The following ANKRD6 variants were observed in gnomAD, a reference collection of about 807,000 sequenced individuals.
ANKRD6 encodes the protein ankyrin repeat domain-containing protein 6.
Under a neutral mutation model 82.3 loss-of-function variants are expected in ANKRD6, and 56 were observed. The ratio of observed to expected loss-of-function variants is 0.68; its 90% CI spans 0.55 to 0.85. ANKRD6 has a LOEUF of 0.85. Ranked by LOEUF, ANKRD6 falls within the 40% of genes least tolerant of loss-of-function variation. The probability of loss-of-function intolerance (pLI) is 0.00; values close to 1 mark genes in which losing one functional copy is unlikely to be tolerated. For missense variants in ANKRD6, 852 were observed against 907.6 expected, an observed-to-expected ratio of 0.94 and a Z score of 0.79; for synonymous variants, 347 against 352.1, an observed-to-expected ratio of 0.99 and a Z score of 0.16.
intron 2 of ANKRD6, among the ~76,000 whole-genome samples, chr6:89,591,294 G>A (rs1408443218): frequency 6.6e-6 from 1 of 152,082 alleles, no homozygotes; most frequent in African/African-American, 2.4e-5. Context: ...TGGTAGAGAT[G>A]ACATTTTGCC....
At chr6:89,628,565 C>T (rs1272291735) in intron 14 of ANKRD6, among the ~76,000 whole-genome samples, 1 of 152,110 alleles carries the variant, frequency 6.6e-6, no homozygotes, top group Non-Finnish European at 1.5e-5. Context: ...GTCAGGAGAT[C>T]GAGACCATCC....
chr6:89,482,774 C>G (rs1322116557), intron 1 of ANKRD6, among the ~76,000 whole-genome samples: 1 of 152,176 alleles, frequency 6.6e-6, no homozygotes, highest in African/African-American at 2.4e-5. Context: ...GGTCATACCC[C>G]TACTCCCACC....
At chr6:89,434,649 TA>T (rs1770397862) in intron 1 of ANKRD6, among the ~76,000 whole-genome samples, 1 of 152,174 alleles carries the variant, frequency 6.6e-6, no homozygotes, top group African/African-American at 2.4e-5. Context: ...CTGTGTTGCC[TA>T]AGCTGGTCTC....
chr6:89,585,214 A>T (rs1298338033), intron 2 of ANKRD6, among the ~76,000 whole-genome samples: 1 of 152,232 alleles, frequency 6.6e-6, no homozygotes, highest in Non-Finnish European at 1.5e-5. Flanking sequence ...AACTTTCTCA[A>T]CATGATAAAA....
chr6:89,631,693 TTTG>T lies in ANKRD6; in HGVS notation c.*692_*694del, dbSNP rs1204450983. 1 of 152,018 alleles carries T rather than the reference TTTG, an allele frequency of 6.6e-6. No individual in the cohort carries two copies. The highest frequency in any genetic ancestry group is 2.4e-5 in the African/African-American group (1 of 41,312). The allele number at this position is 152,018 out of a possible 1,614,324, so 9.4% of individuals were successfully genotyped here. A position where few individuals can be genotyped will look rare whatever the true frequency, so the allele number is the denominator to read the frequency against. On this transcript the variant is annotated 3_prime_UTR_variant, in exon 16 of 16. Coordinates refer to ENST00000339746, the MANE Select transcript of ANKRD6 (RefSeq NM_001242809.2). ...GATCAAATGAGAAAGATTCAAATTGTTTGTTATTTTCTGTATTTTCAGTCAAAA... is the reference window on the plus strand; with the variant it reads ...GATCAAATGAGAAAGATTCAAATTGTTTATTTTCTGTATTTTCAGTCAAAA...
At chr6:89,623,831 G>C (rs1292909778) in intron 11 of ANKRD6, 41 bp from the exon 12 acceptor site, 1 of 1,579,750 alleles carries the variant, frequency 6.3e-7, no homozygotes, top group Non-Finnish European at 8.6e-7. Flanking sequence ...GTCTTGCAGA[G>C]GTCAAAGCGT....
At chr6:89,605,188 C>T (rs1798222591) in intron 4 of ANKRD6, among the ~76,000 whole-genome samples, 1 of 152,182 alleles carries the variant, frequency 6.6e-6, no homozygotes, top group Non-Finnish European at 1.5e-5. Flanking sequence ...TCAAGACCAG[C>T]CTAGCCAACA....
chr6:89,617,130 A>G (rs1055433968), intron 8 of ANKRD6, among the ~76,000 whole-genome samples: 3 of 152,174 alleles, frequency 2.0e-5, no homozygotes, highest in African/African-American at 7.2e-5. Context: ...TAGAGCAGGC[A>G]CCAGCTCAGG....
At chr6:89,436,101 C>T (rs1770607114) in intron 1 of ANKRD6, among the ~76,000 whole-genome samples, 1 of 152,004 alleles carries the variant, frequency 6.6e-6, no homozygotes, top group Admixed American at 6.6e-5. Context: ...TAGTTAGGTT[C>T]AAACAACTGA....
intron 1 of ANKRD6, among the ~76,000 whole-genome samples, chr6:89,556,986 G>A (rs1268491664): frequency 3.3e-5 from 5 of 152,142 alleles, no homozygotes; most frequent in Admixed American, 3.3e-4. Flanking sequence ...GGATGATTTG[G>A]TGGTTTAGTG....
At chr6:89,604,928 C>G (rs1798146216) in intron 4 of ANKRD6, among the ~76,000 whole-genome samples, 1 of 152,226 alleles carries the variant, frequency 6.6e-6, no homozygotes, top group Non-Finnish European at 1.5e-5. Context: ...GCACTGACCT[C>G]TGCTGATTGC....
chr6:89,601,140 G>A (rs1797048030), intron 3 of ANKRD6, among the ~76,000 whole-genome samples: 1 of 152,160 alleles, frequency 6.6e-6, no homozygotes, highest in Non-Finnish European at 1.5e-5. Context: ...AGCGCAAATG[G>A]CACAGCCTAC....
chr6:89,628,545 G>A (rs1439607878), intron 14 of ANKRD6, among the ~76,000 whole-genome samples: 4 of 152,246 alleles, frequency 2.6e-5, no homozygotes, highest in African/African-American at 4.8e-5. Flanking sequence ...CTAGGTGGGC[G>A]GATCACGAGG....
chr6:89,498,322 G>A (rs1171367822), intron 1 of ANKRD6, among the ~76,000 whole-genome samples: 1 of 152,076 alleles, frequency 6.6e-6, no homozygotes, highest in Non-Finnish European at 1.5e-5. Context: ...AGAACATGTG[G>A]CTACCTAGGT....
chr6:89,540,366 A>T (rs1784320514), intron 1 of ANKRD6, among the ~76,000 whole-genome samples: 1 of 152,098 alleles, frequency 6.6e-6, no homozygotes, highest in Non-Finnish European at 1.5e-5. Context: ...TTTGGTTTGC[A>T]TTTCTCTGAT....
chr6:89,532,683 A>T (rs1179234971), intron 1 of ANKRD6, among the ~76,000 whole-genome samples: 2 of 152,124 alleles, frequency 1.3e-5, no homozygotes, highest in Non-Finnish European at 2.9e-5. Context: ...TTGAAAGCTT[A>T]CAAGATAGTA....
chr6:89,524,768 T>C (rs1213998755), intron 1 of ANKRD6, among the ~76,000 whole-genome samples: 1 of 152,218 alleles, frequency 6.6e-6, no homozygotes. Flanking sequence ...CTGGATCAAA[T>C]AGTAGTTCAA....
At chr6:89,546,911 A>G (rs1461612158) in intron 1 of ANKRD6, among the ~76,000 whole-genome samples, 2 of 152,168 alleles carry the variant, frequency 1.3e-5, no homozygotes, top group Non-Finnish European at 2.9e-5. Flanking sequence ...CTTGGCACTT[A>G]CAGGATACCT....
At chr6:89,555,889 A>G (rs535776751) in intron 1 of ANKRD6, among the ~76,000 whole-genome samples, 1 of 152,096 alleles carries the variant, frequency 6.6e-6, no homozygotes, top group African/African-American at 2.4e-5. Context: ...AACATCAGGG[A>G]TCACATAAAT....
Sources: allele counts gnomAD v4.1 joint callset (sites outside exome capture counted in the v4.1 genomes callset), GRCh38; gene constraint gnomAD v4.1.1; transcripts MANE v1.5; gene names NCBI Gene and HGNC (gene_info 2026-07-23, HGNC 2026-07-21).